The following DISC1 variants were observed in gnomAD, a reference collection of about 807,000 sequenced individuals.
The protein encoded by DISC1 is DISC1 scaffold protein, also known as disrupted in schizophrenia 1 protein.
DISC1 carries 57 observed loss-of-function variants against 84.5 expected under a neutral mutation model. The ratio of observed to expected loss-of-function variants is 0.67; its 90% CI spans 0.55 to 0.84. The LOEUF (loss-of-function observed/expected upper bound fraction) is 0.84. DISC1 is among the 40% of genes least tolerant of loss of function. DISC1 has a pLI of 0.00. For missense variants in DISC1, 1,000 were observed against 1,057.8 expected (o/e 0.95, Z 0.76); for synonymous variants, 411 against 415.2 (o/e 0.99, Z 0.12).
At chr1:231,868,107 AGTT>A (rs957418178) in intron 9 of DISC1, among the ~76,000 whole-genome samples, 4 of 152,172 alleles carry the variant, frequency 2.6e-5, no homozygotes, top group African/African-American at 9.7e-5. Flanking sequence ...AAAAATAAAC[AGTT>A]GTTTCTGCTT....
intron 3 of DISC1, among the ~76,000 whole-genome samples, chr1:231,727,197 CTA>C (rs1234161191): frequency 5.3e-5 from 8 of 152,134 alleles, no homozygotes; most frequent in African/African-American, 1.9e-4. Flanking sequence ...TGCTTTTTCT[CTA>C]TTTTTCATGG....
At chr1:231,707,346 A>G (rs2067214805) in intron 3 of DISC1, among the ~76,000 whole-genome samples, 1 of 152,090 alleles carries the variant, frequency 6.6e-6, no homozygotes, top group Admixed American at 6.5e-5. Flanking sequence ...TGAACAAGGC[A>G]CTTCTCTCCC....
chr1:231,641,966 G>T (rs1452263612), intron 1 of DISC1, among the ~76,000 whole-genome samples: 1 of 152,232 alleles, frequency 6.6e-6, no homozygotes, highest in African/African-American at 2.4e-5. Flanking sequence ...TCAGGCCTTG[G>T]GTGGTCGATG....
chr1:231,881,239 C>G (rs1028867420), intron 9 of DISC1, among the ~76,000 whole-genome samples: 12 of 152,180 alleles, frequency 7.9e-5, no homozygotes, highest in Admixed American at 5.9e-4. Context: ...TCTGCTTGAG[C>G]TGCCATAACC....
At chr1:231,722,151 CAAA>C (rs750574790) in intron 3 of DISC1, among the ~76,000 whole-genome samples, 2 of 47,702 alleles carry the variant, frequency 4.2e-5, no homozygotes, top group Non-Finnish European at 8.8e-5. Flanking sequence ...GACTCCATCT[CAAA>C]AAAAAAAAAA....
chr1:231,987,589 A>G (rs1318079734), intron 10 of DISC1, among the ~76,000 whole-genome samples: 1 of 152,188 alleles, frequency 6.6e-6, no homozygotes, highest in African/African-American at 2.4e-5. Context: ...GACAAGAAAA[A>G]AATATTTCTT....
In DISC1 at chr1:231,855,763, C is replaced by T. The variant is rs370830272; in HGVS notation, c.1981+37246C>T. ...TCTTCAGTTGGTCCATTTTCACAGCCCACAAAAGCAAGTCTCTATTTTGGG... is the reference window on the plus strand; with the variant it reads ...TCTTCAGTTGGTCCATTTTCACAGCTCACAAAAGCAAGTCTCTATTTTGGG... On this transcript the variant is annotated intron_variant, in intron 9 of 12. Coordinates refer to ENST00000439617, the MANE Select transcript of DISC1 (RefSeq NM_018662.3). 2.1e-4 allele frequency among the ~76,000 whole-genome samples: 32 copies of T among 152,252 alleles called. 2 individuals carry two copies. The highest frequency in any genetic ancestry group is 6.5e-4 in the African/African-American group (27 of 41,538).
chr1:231,800,222 T>C lies in DISC1; in HGVS notation c.1792+12T>C, dbSNP rs199899862. ...GCATGCCATATCAGGTAACTGGCAG[T>C]GTAGGAGACGTTGAAGCTATCCAAC... On this transcript the variant is annotated intron_variant, in intron 8 of 12. Transcript: ENST00000439617. The C allele has an allele frequency of 3.5e-5, 56 of 1,602,780 alleles. No individual in the cohort carries two copies. The East Asian group carries it at 1.2e-3, about 35-fold the overall frequency.
intron 4 of DISC1, among the ~76,000 whole-genome samples, chr1:231,759,547 A>AAAAAC (rs1181582755): frequency 1.8e-4 from 25 of 142,236 alleles, no homozygotes; most frequent in Non-Finnish European, 2.7e-4. Context: ...AAAAAAAAAA[A>AAAAAC]AAAACAAAAC....
At chr1:231,753,148 C>T (rs1010232758) in intron 4 of DISC1, among the ~76,000 whole-genome samples, 3 of 152,224 alleles carry the variant, frequency 2.0e-5, no homozygotes, top group African/African-American at 7.2e-5. Flanking sequence ...CTCCACTAGG[C>T]AGTGCCCCAG....
chr1:231,704,716 C>T (rs1170964459), intron 3 of DISC1, among the ~76,000 whole-genome samples: 2 of 144,142 alleles, frequency 1.4e-5, no homozygotes, highest in African/African-American at 2.7e-5. Flanking sequence ...GCCGAGATGG[C>T]GCCACTGCAC....
chr1:231,835,462 C>G (rs569506498), intron 9 of DISC1, among the ~76,000 whole-genome samples: 6 of 152,244 alleles, frequency 3.9e-5, no homozygotes, highest in African/African-American at 1.4e-4. Flanking sequence ...AGTAGGGGAG[C>G]TTTTGAGCCA....
chr1:231,727,132 T>C (rs1469221246), intron 3 of DISC1, among the ~76,000 whole-genome samples: 1 of 152,134 alleles, frequency 6.6e-6, no homozygotes, highest in African/African-American at 2.4e-5. Flanking sequence ...TGGATGAACA[T>C]AGCACATGAT....
chr1:231,848,067 G>A (rs2083591469), intron 9 of DISC1, among the ~76,000 whole-genome samples: 1 of 152,140 alleles, frequency 6.6e-6, no homozygotes, highest in Non-Finnish European at 1.5e-5. Context: ...CCTTCCCTGG[G>A]CAAAGAGAGA....
chr1:232,035,487 G>T (rs199967507), intron 12 of DISC1, among the ~76,000 whole-genome samples: 13 of 152,258 alleles, frequency 8.5e-5, no homozygotes, highest in Non-Finnish European at 1.5e-4. Flanking sequence ...ACAGTGGTTC[G>T]TAAGGGTGTC....
At chr1:231,771,187 G>A (rs917923851) in intron 6 of DISC1, 117 bp downstream of exon 6, 5 of 1,457,634 alleles carry the variant, frequency 3.4e-6, no homozygotes, top group Non-Finnish European at 4.5e-6. Flanking sequence ...GTATTTTTCA[G>A]TGGAAGCACC....
intron 9 of DISC1, among the ~76,000 whole-genome samples, chr1:231,832,607 C>T (rs1246739615): frequency 6.6e-6 from 1 of 150,908 alleles, no homozygotes; most frequent in East Asian, 2.0e-4. Flanking sequence ...TTTGCTGAGC[C>T]TAATGGGTGT....
At chr1:231,972,078 G>T (rs995712434) in intron 10 of DISC1, among the ~76,000 whole-genome samples, 55 of 152,082 alleles carry the variant, frequency 3.6e-4, no homozygotes, top group Non-Finnish European at 1.3e-4. Context: ...CGGTAATTAC[G>T]CTGCCCGGTC....
At chr1:231,798,698 C>T (rs937838873) in intron 7 of DISC1, among the ~76,000 whole-genome samples, 1 of 152,144 alleles carries the variant, frequency 6.6e-6, no homozygotes, top group Non-Finnish European at 1.5e-5. Context: ...GAATTAATTA[C>T]TTTGGACATG....
Sources: allele counts gnomAD v4.1 joint callset (sites outside exome capture counted in the v4.1 genomes callset), GRCh38; gene constraint gnomAD v4.1.1; transcripts MANE v1.5; gene names NCBI Gene and HGNC (gene_info 2026-07-23, HGNC 2026-07-21).